The following SLC14A1 variants were observed in gnomAD, a reference collection of about 807,000 sequenced individuals.
SLC14A1 encodes solute carrier family 14 member 1 (Kidd blood group).
Under a neutral mutation model 39.6 loss-of-function variants are expected in SLC14A1, and 36 were observed. That is an observed-to-expected ratio of 0.91 (90% CI 0.70 to 1.20). SLC14A1 has a LOEUF of 1.20. Among genes scored for constraint, SLC14A1 ranks in the 50% most tolerant of loss-of-function variants. The pLI is 0.00. For synonymous variants in SLC14A1, 164 were observed against 173.6 expected (o/e 0.94, Z 0.43); for missense variants, 469 against 478.7 (o/e 0.98, Z 0.19).
intron 6 of SLC14A1, among the ~76,000 whole-genome samples, chr18:45,736,927 G>A (rs866543680): frequency 1.2e-4 from 14 of 118,008 alleles, no homozygotes; most frequent in South Asian, 1.1e-3. Flanking sequence ...TCACTCTATC[G>A]TAAGCTTGGG....
Position 45,739,228 on chromosome 18 carries a change from C to T in SLC14A1, c.729C>T (p.Gly243=). The change falls in exon 7 of 10, where the codon GGC becomes GGT. Residue 243 remains glycine (G), a synonymous_variant. Coordinates refer to ENST00000321925, the MANE Select transcript of SLC14A1 (RefSeq NM_015865.7). ...GCTGTGATAATCCATGGACAGGGGGCATTTTCCTGGGAGCCATCCTACTCT... is the reference window on the plus strand; with the variant it reads ...GCTGTGATAATCCATGGACAGGGGGTATTTTCCTGGGAGCCATCCTACTCT... ...IYGCDNPWTG[G]IFLGAILLSS... 1 of 1,614,064 alleles carries T rather than the reference C, an allele frequency of 6.2e-7. No homozygotes were observed.
intron 8 of SLC14A1, 110 bp from the exon 9 acceptor site, chr18:45,748,266 G>C (rs768932042): frequency 8.6e-7 from 1 of 1,160,342 alleles, no homozygotes; most frequent in Non-Finnish European, 1.3e-6. Flanking sequence ...GCTCATGCTT[G>C]TAATCAGGGC....
chr18:45,735,452 C>A (rs1034758567), intron 5 of SLC14A1, among the ~76,000 whole-genome samples: 35 of 152,248 alleles, frequency 2.3e-4, no homozygotes, highest in African/African-American at 7.9e-4. Flanking sequence ...AATTTTTTTG[C>A]TGAATTCCTT....
rs1264913856 is a variant in SLC14A1, at chr18:45,734,109, C to G, written c.342-165C>G. 6 of 820,576 alleles carry G rather than the reference C, an allele frequency of 7.3e-6. No individual in the cohort carries two copies. In the South Asian group the frequency reaches 9.3e-5, roughly 13 times the overall value. The allele number at this position is 820,576 out of a possible 1,614,324, so 50.8% of individuals were successfully genotyped here. On this transcript the variant is annotated intron_variant, in intron 4 of 9. Coordinates refer to ENST00000321925, the MANE Select transcript of SLC14A1 (RefSeq NM_015865.7). ...TATCTATGTATATTTCACTTCATGT[C>G]TTTATTAGTTTTTGTACGATGCTTA...
chr18:45,748,401 C>T lies in SLC14A1; in HGVS notation c.972C>T (p.Val324=). 2.5e-6 allele frequency: 4 copies of T among 1,614,010 alleles called. No homozygotes were observed. Among genetic ancestry groups the T allele is most frequent in the South Asian group, 1.1e-5 (1 of 91,068 alleles). Residue 324 remains valine, a synonymous_variant, in exon 9 of 10, where the codon GTC becomes GTT. Transcript: ENST00000321925. ...GCALFTAYLG[V]GMANFMAEVG... is the part of the protein sequence containing the mutation. ...CCCTGTTCACGGCCTATCTTGGAGTCGGCATGGCAAACTTTATGGCTGAGG... is the reference window on the plus strand; with the variant it reads ...CCCTGTTCACGGCCTATCTTGGAGTTGGCATGGCAAACTTTATGGCTGAGG...
rs2047286906 is a variant in SLC14A1, at chr18:45,739,283, A to G, written c.784A>G (p.Ile262Val). ...SSPLMCLHAA[I>V]GSLLGIAAGL... is the part of the protein sequence containing the mutation. ...CCCACTCATGTGCCTGCATGCTGCC[A>G]TAGGATCATTGCTGGGCATAGCAGC... Residue 262 changes from isoleucine to valine, a missense_variant, in exon 7 of 10, where the codon ATA becomes GTA. Ile to Val is a conservative substitution (Grantham distance 29). Transcript: ENST00000321925. The G allele has an allele frequency of 3.7e-6, 6 of 1,614,056 alleles. No individual in the cohort carries two copies. Among genetic ancestry groups the G allele is most frequent in the Admixed American group, 1.7e-5 (1 of 60,000 alleles).
rs28994289 is a variant in SLC14A1, at chr18:45,731,585, G to A, written c.341+381G>A. ...AAGTTTTAGTGGCTTAATAACCCCC[G>A]TTATATCTTGTTGCTATGATGAGTT... On this transcript the variant is annotated intron_variant, in intron 4 of 9. Coordinates refer to ENST00000321925, the MANE Select transcript of SLC14A1 (RefSeq NM_015865.7). 543 of 334,630 alleles carry A rather than the reference G, an allele frequency of 1.6e-3. 3 individuals carry two copies. The highest frequency in any genetic ancestry group is 6.4e-3 in the African/African-American group (302 of 46,838). The allele number at this position is 334,630 out of a possible 1,614,324, so 20.7% of individuals were successfully genotyped here. A position where few individuals can be genotyped will look rare whatever the true frequency, so the allele number is the denominator to read the frequency against.
Position 45,750,666 on chromosome 18 carries a change from G to A in SLC14A1, c.*715G>A. The A allele has an allele frequency of 2.0e-6, 2 of 985,610 alleles. No homozygotes were observed. Among genetic ancestry groups the A allele is most frequent in the Non-Finnish European group, 2.4e-6 (2 of 830,072 alleles). The allele number at this position is 985,610 out of a possible 1,614,324, so 61.1% of individuals were successfully genotyped here. ...GATTGCAAAGGATTTTTTAGGTAGA[G>A]ATTATTTTTCCTTATGAAAAATGAT... On this transcript the variant is annotated 3_prime_UTR_variant, in exon 10 of 10. Coordinates refer to ENST00000321925, the MANE Select transcript of SLC14A1 (RefSeq NM_015865.7).
chr18:45,725,115 T>A (rs892597692), intron 2 of SLC14A1, 102 bp downstream of exon 2: 1 of 152,232 alleles, frequency 6.6e-6, no homozygotes, highest in African/African-American at 2.4e-5. Flanking sequence ...CTTCATATTA[T>A]TTTTAAAAGT....
intron 5 of SLC14A1, among the ~76,000 whole-genome samples, chr18:45,734,934 C>T (rs1250124599): frequency 6.6e-6 from 1 of 152,128 alleles, no homozygotes; most frequent in Non-Finnish European, 1.5e-5. Flanking sequence ...TCCTTACAAC[C>T]AGTTATTTGG....
At position 45,751,713 on chromosome 18, in the gene SLC14A1, G is replaced by A. The variant is rs952175349; in HGVS notation, c.*1762G>A. ...AAAGATCGCTTGTGCACAGAAGTTC[G>A]AGGCTGCAGTGAGCTATATGATCAT... is the stretch of plus-strand genomic sequence containing the variant. On this transcript the variant is annotated 3_prime_UTR_variant, in exon 10 of 10. Coordinates refer to ENST00000321925, the MANE Select transcript of SLC14A1 (RefSeq NM_015865.7). 1.9e-5 allele frequency: 9 copies of A among 467,688 alleles called. No individual in the cohort carries two copies. The highest frequency in any genetic ancestry group is 2.2e-5 in the Non-Finnish European group (8 of 357,966). 29.0% of individuals were successfully genotyped at this position (467,688 alleles called of 1,614,324 possible). A position where few individuals can be genotyped will look rare whatever the true frequency, so the allele number is the denominator to read the frequency against.
chr18:45,733,638 C>T lies in SLC14A1; in HGVS notation c.342-636C>T, dbSNP rs192590164. Among the ~76,000 whole-genome samples, 8 of 152,302 alleles carry T rather than the reference C, an allele frequency of 5.3e-5. No individual in the cohort carries two copies. In the East Asian group the frequency reaches 1.5e-3, roughly 29 times the overall value. On this transcript the variant is annotated intron_variant, in intron 4 of 9. Coordinates refer to ENST00000321925, the MANE Select transcript of SLC14A1 (RefSeq NM_015865.7). ...AAGGAAAGGCTAAAAGAAAACAGAG[C>T]AGATTGCCTTACTAAACTCCCCTTT...
rs16978480 is a variant in SLC14A1, at chr18:45,749,531, A to G, written c.997-247A>G. ...CATCTGGTGCAGGAAGTCTGAATAT[A>G]TGAGAGGGAGAGAAAGACATACAAG... On this transcript the variant is annotated intron_variant, in intron 9 of 9. Transcript: ENST00000321925. Among the ~76,000 whole-genome samples, 786 of 152,206 alleles carry G rather than the reference A, an allele frequency of 5.2e-3. 6 individuals are homozygous for G. Among genetic ancestry groups the G allele is most frequent in the African/African-American group, 0.018 (748 of 41,516 alleles).
At chr18:45,745,113 C>T (rs908126392) in intron 8 of SLC14A1, among the ~76,000 whole-genome samples, 3 of 152,122 alleles carry the variant, frequency 2.0e-5, no homozygotes, top group African/African-American at 4.8e-5. Context: ...CGTGGTAGCA[C>T]GCGCCTATAG....
intron 8 of SLC14A1, among the ~76,000 whole-genome samples, chr18:45,744,084 C>G (rs2047472328): frequency 6.6e-6 from 1 of 151,860 alleles, no homozygotes. Flanking sequence ...ACAATCTCAG[C>G]TCACTGCAGC....
At position 45,752,360 on chromosome 18, in the gene SLC14A1, A is replaced by G. The variant is rs1160659167; in HGVS notation, c.*2409A>G. ...TGCTCACACAAATCTGTAAATGGGA[A>G]CATTGTACATTGTCGAATTTAAATG... On this transcript the variant is annotated 3_prime_UTR_variant, in exon 10 of 10. Coordinates refer to ENST00000321925, the MANE Select transcript of SLC14A1 (RefSeq NM_015865.7). 1 of 335,102 alleles carries G rather than the reference A, an allele frequency of 3.0e-6. No individual in the cohort carries two copies. Among genetic ancestry groups the G allele is most frequent in the East Asian group, 1.7e-4 (1 of 5,934 alleles). 20.8% of individuals were successfully genotyped at this position (335,102 alleles called of 1,614,324 possible).
chr18:45,731,568 G>A (rs1416442078), intron 4 of SLC14A1: 2 of 342,926 alleles, frequency 5.8e-6, no homozygotes, highest in African/African-American at 4.3e-5. Context: ...AAAAGTTTTA[G>A]TGGCTTAATA....
At chr18:45,731,698 G>T in intron 4 of SLC14A1, 1 of 215,492 alleles carries the variant, frequency 4.6e-6, no homozygotes, top group Non-Finnish European at 9.4e-6. Flanking sequence ...AGTGGATTCT[G>T]ACTTAAGAAG....
intron 6 of SLC14A1, 35 bp from the exon 7 acceptor site, chr18:45,739,128 T>TTC (rs2047281614): frequency 6.2e-7 from 1 of 1,613,728 alleles, no homozygotes; most frequent in African/African-American, 1.3e-5. Flanking sequence ...TTCAGTTGTT[T>TTC]TGGTAGCCTC....
Sources: allele counts gnomAD v4.1 joint callset (sites outside exome capture counted in the v4.1 genomes callset), GRCh38; gene constraint gnomAD v4.1.1; transcripts MANE v1.5; gene names NCBI Gene and HGNC (gene_info 2026-07-23, HGNC 2026-07-21).